SPATA13: variants seen among roughly 807,000 people sequenced by gnomAD.
SPATA13 encodes spermatogenesis-associated protein 13.
Under a neutral mutation model 104.0 loss-of-function variants are expected in SPATA13, and 50 were observed. The observed-to-expected ratio is 0.48, with a 90% CI of 0.38 to 0.61. The LOEUF (loss-of-function observed/expected upper bound fraction) is 0.61. Among genes scored for constraint, SPATA13 ranks in the 20% least tolerant of loss-of-function variants. The pLI is 0.00. For synonymous variants in SPATA13, 606 were observed against 667.5 expected (o/e 0.91, Z 1.42); for missense variants, 1,524 against 1,690.6 (o/e 0.90, Z 1.73).
At position 24,291,107 on chromosome 13, in the gene SPATA13, AG is replaced by A. The variant is rs778065160; in HGVS notation, c.3080+226del. Among the ~76,000 whole-genome samples, 150 of 152,240 alleles carry A rather than the reference AG, an allele frequency of 9.9e-4. 1 individual carries two copies. Among genetic ancestry groups the A allele is most frequent in the Non-Finnish European group, 9.6e-4 (65 of 68,046 alleles). ...CCAGTCCTAGAGCTATGAAGACACA[AG>A]GGCCATTCGTGAGCTGTGCCACGAG... On this transcript the variant is annotated intron_variant, in intron 9 of 12. Transcript: ENST00000382108.
At chr13:24,139,117 A>G (rs992851072) in intron 3 of SPATA13, among the ~76,000 whole-genome samples, 1 of 152,116 alleles carries the variant, frequency 6.6e-6, no homozygotes, top group African/African-American at 2.4e-5. Flanking sequence ...TCCAGCTTCC[A>G]CTGGTTGCTA....
At chr13:24,285,363 T>G (rs1566192887) in intron 5 of SPATA13, among the ~76,000 whole-genome samples, 1 of 152,160 alleles carries the variant, frequency 6.6e-6, no homozygotes, top group Non-Finnish European at 1.5e-5. Context: ...TGCATAACTT[T>G]AGTAGGCTTG....
At chr13:24,077,338 T>C (rs1879365661) in intron 3 of SPATA13, among the ~76,000 whole-genome samples, 1 of 150,048 alleles carries the variant, frequency 6.7e-6, no homozygotes, top group Non-Finnish European at 1.5e-5. Context: ...TAACTATAGT[T>C]ACAGGAGCCA....
chr13:24,263,080 A>G (rs1321782907), intron 4 of SPATA13, among the ~76,000 whole-genome samples: 1 of 152,196 alleles, frequency 6.6e-6, no homozygotes, highest in African/African-American at 2.4e-5. Flanking sequence ...GTTAAAAGGA[A>G]GGAAAAAAAG....
chr13:24,020,388 C>T (rs930762290), intron 3 of SPATA13, among the ~76,000 whole-genome samples: 1 of 151,914 alleles, frequency 6.6e-6, no homozygotes, highest in Non-Finnish European at 1.5e-5. Context: ...TGTTTTTTAA[C>T]CTTAATCAAA....
intron 3 of SPATA13, among the ~76,000 whole-genome samples, chr13:24,031,011 C>T (rs1284919468): frequency 4.6e-5 from 7 of 152,222 alleles, no homozygotes; most frequent in East Asian, 1.9e-4. Flanking sequence ...CTTCTAGTCT[C>T]CAAAGCCTAT....
Position 24,152,498 on chromosome 13 carries a change from C to G in SPATA13, c.-111-70321C>G, listed in dbSNP as rs190470408. Among the ~76,000 whole-genome samples, 207 of 152,336 alleles carry G rather than the reference C, an allele frequency of 1.4e-3. 1 individual carries two copies. Among genetic ancestry groups the G allele is most frequent in the African/African-American group, 4.9e-3 (202 of 41,572 alleles). ...TCCTCTTCCGCCTCTTTGATAAGCT[C>G]CACCAGGGAGGTCCTCCCCAGTGAG... On this transcript the variant is annotated intron_variant, in intron 3 of 14. Transcript: ENST00000424834.
At chr13:24,123,914 A>C in intron 3 of SPATA13, 2 of 599,650 alleles carry the variant, frequency 3.3e-6, no homozygotes, top group South Asian at 2.1e-5. Flanking sequence ...TAATTCCCTA[A>C]CTCATTTCCT....
At chr13:24,038,061 G>A (rs1414481347) in intron 3 of SPATA13, among the ~76,000 whole-genome samples, 17 of 152,038 alleles carry the variant, frequency 1.1e-4, no homozygotes, top group Middle Eastern at 3.4e-3. Flanking sequence ...ATAGGCGCCT[G>A]CCACCATGCC....
Position 24,294,808 on chromosome 13 carries a change from G to C in SPATA13, c.3150G>C (p.Lys1050Asn). Reference protein sequence around the residue: ...KNVACLINERKRKLESIDKIA... With the variant: ...KNVACLINERNRKLESIDKIA... ...TGGCCTGTCTGATCAACGAGCGCAAGCGCAAGCTGGAGAGCATCGACAAGA... is the reference window on the plus strand; with the variant it reads ...TGGCCTGTCTGATCAACGAGCGCAACCGCAAGCTGGAGAGCATCGACAAGA... The change falls in exon 10 of 13, where the codon AAG (lysine) becomes AAC (asparagine). Residue 1050 changes from lysine (K) to asparagine (N), a missense_variant. This residue lies in a region of SPATA13 where 435 missense variants were observed against 554.8 expected (regional missense o/e 0.78). Coordinates refer to ENST00000382108, the MANE Select transcript of SPATA13 (RefSeq NM_001166271.3). 2 of 1,611,822 alleles carry C rather than the reference G, an allele frequency of 1.2e-6. No homozygotes were observed. Among genetic ancestry groups the C allele is most frequent in the Non-Finnish European group, 1.7e-6 (2 of 1,177,964 alleles).
chr13:24,067,783 C>A (rs191731292), intron 3 of SPATA13, among the ~76,000 whole-genome samples: 8 of 152,306 alleles, frequency 5.3e-5, no homozygotes, highest in African/African-American at 1.9e-4. Flanking sequence ...CGGGTCACTG[C>A]AACCTCTGCC....
At chr13:24,280,921 C>T (rs944453191) in intron 4 of SPATA13, among the ~76,000 whole-genome samples, 3 of 152,302 alleles carry the variant, frequency 2.0e-5, no homozygotes, top group South Asian at 2.1e-4. Flanking sequence ...ACATTTAAAA[C>T]GAAACAGTCA....
chr13:24,197,823 C>A (rs1306780984), intron 1 of SPATA13, among the ~76,000 whole-genome samples: 2 of 151,954 alleles, frequency 1.3e-5, no homozygotes, highest in Non-Finnish European at 2.9e-5. Context: ...TACTAGGATG[C>A]CTTAGACTTC....
intron 3 of SPATA13, among the ~76,000 whole-genome samples, chr13:24,084,400 G>A (rs76942041): frequency 0.014 from 2,081 of 152,330 alleles, 25 homozygotes; most frequent in Non-Finnish European, 0.022. Flanking sequence ...GATGCCCGGG[G>A]AAGAAATCTG....
intron 2 of SPATA13, among the ~76,000 whole-genome samples, chr13:24,242,043 C>A (rs1407156370): frequency 2.0e-5 from 3 of 149,894 alleles, no homozygotes; most frequent in Non-Finnish European, 4.4e-5. Flanking sequence ...CAGAGTGAGA[C>A]TGTCTCAAAA....
intron 4 of SPATA13, among the ~76,000 whole-genome samples, chr13:24,281,191 C>G (rs917910458): frequency 1.3e-5 from 2 of 152,228 alleles, no homozygotes; most frequent in Non-Finnish European, 2.9e-5. Flanking sequence ...GGCTGTGGAG[C>G]GCTTTCTTCT....
intron 4 of SPATA13, among the ~76,000 whole-genome samples, chr13:24,263,968 C>T (rs2079737365): frequency 6.6e-6 from 1 of 152,186 alleles, no homozygotes; most frequent in South Asian, 2.1e-4. Context: ...ACAAGGACTA[C>T]AAATATGGCC....
At chr13:24,107,008 C>T (rs1365989477) in intron 3 of SPATA13, among the ~76,000 whole-genome samples, 2 of 151,312 alleles carry the variant, frequency 1.3e-5, no homozygotes, top group Admixed American at 1.3e-4. Flanking sequence ...AACTATATTT[C>T]TGGGAACCTT....
chr13:24,174,363 C>G (rs139347637), intron 1 of SPATA13, among the ~76,000 whole-genome samples: 61 of 151,522 alleles, frequency 4.0e-4, no homozygotes, highest in African/African-American at 1.2e-3. Flanking sequence ...TTTCTTTCTT[C>G]TGCTTGCTTT....
Sources: allele counts gnomAD v4.1 joint callset (sites outside exome capture counted in the v4.1 genomes callset), GRCh38; gene constraint gnomAD v4.1.1; regional missense constraint gnomAD v4.1.1; transcripts MANE v1.5; gene names NCBI Gene and HGNC (gene_info 2026-07-23, HGNC 2026-07-21).